The following PHACTR3 variants were observed in gnomAD, a reference collection of about 807,000 sequenced individuals.
The protein encoded by PHACTR3 is phosphatase and actin regulator 3, also known as protein phosphatase 1, regulatory subunit 123.
Under a neutral mutation model 66.8 loss-of-function variants are expected in PHACTR3, and 16 were observed. The observed-to-expected ratio is 0.24, with a 90% CI of 0.16 to 0.36. The LOEUF (loss-of-function observed/expected upper bound fraction) is 0.36, where lower values mean the gene tolerates loss of function less well. Ranked by LOEUF, PHACTR3 falls within the 10% of genes least tolerant of loss-of-function variation. PHACTR3 has a pLI of 1.00. For synonymous variants in PHACTR3, 323 were observed against 292.1 expected (o/e 1.11, Z -1.08); for missense variants, 647 against 719.9 (o/e 0.90, Z 1.16).
At chr20:59,680,684 C>G (rs1451840283) in intron 1 of PHACTR3, among the ~76,000 whole-genome samples, 1 of 152,138 alleles carries the variant, frequency 6.6e-6, no homozygotes, top group East Asian at 1.9e-4. Flanking sequence ...AGCTCATCAA[C>G]TATCATTAGT....
At chr20:59,612,389 C>T (rs1600913664) in intron 1 of PHACTR3, among the ~76,000 whole-genome samples, 1 of 149,796 alleles carries the variant, frequency 6.7e-6, no homozygotes, top group East Asian at 2.0e-4. Flanking sequence ...AGGACAGTGT[C>T]TCACTCTGTC....
intron 7 of PHACTR3, among the ~76,000 whole-genome samples, chr20:59,780,248 G>A (rs950152336): frequency 6.6e-6 from 1 of 152,204 alleles, no homozygotes; most frequent in Non-Finnish European, 1.5e-5. Flanking sequence ...ACTCACCACT[G>A]TGTCTCACCT....
At chr20:59,804,463 G>T (rs2041505908) in intron 7 of PHACTR3, among the ~76,000 whole-genome samples, 1 of 152,148 alleles carries the variant, frequency 6.6e-6, no homozygotes, top group Non-Finnish European at 1.5e-5. Flanking sequence ...TCTGAAAATG[G>T]CAGTTCCTTT....
intron 1 of PHACTR3, among the ~76,000 whole-genome samples, chr20:59,621,052 G>T (rs994981635): frequency 1.3e-5 from 2 of 152,208 alleles, no homozygotes; most frequent in South Asian, 2.1e-4. Context: ...CTTCGAGTCG[G>T]TGTCTGTGCC....
In PHACTR3 at chr20:59,830,414, G is replaced by C. The variant is rs1008911670; in HGVS notation, c.1329-6091G>C. Among the ~76,000 whole-genome samples, 1 of 152,156 alleles carries C rather than the reference G, an allele frequency of 6.6e-6. No individual in the cohort carries two copies. Among genetic ancestry groups the C allele is most frequent in the Non-Finnish European group, 1.5e-5 (1 of 68,018 alleles). On this transcript the variant is annotated intron_variant, in intron 8 of 12. Coordinates refer to ENST00000371015, the MANE Select transcript of PHACTR3 (RefSeq NM_080672.5). This position sits in a 1 kb window ranked among gnomAD's most constrained non-coding sequence, Gnocchi z 5.8. ...AGCATGAGTGATGAAGAGGGTGTGA[G>C]TGTCTGATGGAGGAATGTGTGGGCA...
chr20:59,834,463 T>A lies in PHACTR3; in HGVS notation c.1329-2042T>A, dbSNP rs147229619. ...GCTCTAAGGGGAGACCCCAGACAAC[T>A]CCAATTTCCTGATGATTTCTCTTCC... On this transcript the variant is annotated intron_variant, in intron 8 of 12. Coordinates refer to ENST00000371015, the MANE Select transcript of PHACTR3 (RefSeq NM_080672.5). 2.3e-4 allele frequency among the ~76,000 whole-genome samples: 35 copies of A among 152,290 alleles called. 1 individual carries two copies. The East Asian group carries it at 6.8e-3, about 29-fold the overall frequency.
chr20:59,674,310 C>T lies in PHACTR3; in HGVS notation c.119-68797C>T, dbSNP rs113793182. Among the ~76,000 whole-genome samples, 24 of 146,084 alleles carry T rather than the reference C, an allele frequency of 1.6e-4. 3 individuals carry two copies. The highest frequency in any genetic ancestry group is 4.8e-4 in the African/African-American group (18 of 37,220). ...TGTGCTGCCCCAGGCAGTGCTGGGG[C>T]GGGGGGCATGGCTCTGACTCCTGCC... On this transcript the variant is annotated intron_variant, in intron 1 of 12. Coordinates refer to ENST00000371015, the MANE Select transcript of PHACTR3 (RefSeq NM_080672.5).
intron 1 of PHACTR3, among the ~76,000 whole-genome samples, chr20:59,642,585 C>T (rs1172045473): frequency 2.0e-5 from 3 of 152,156 alleles, no homozygotes; most frequent in African/African-American, 7.2e-5. Context: ...ACCAAATGCT[C>T]CAGAATAGGA....
rs565508133 is a variant in PHACTR3, at chr20:59,738,142, A to G, written c.119-4965A>G. Reference sequence around the variant, plus strand: ...CACATAGCCACAGCAAGAAGGAGACACCATACCCCCCAGCAAGGCCCTGGC... The same window carrying G: ...CACATAGCCACAGCAAGAAGGAGACGCCATACCCCCCAGCAAGGCCCTGGC... On this transcript the variant is annotated intron_variant, in intron 1 of 12. Transcript: ENST00000371015. This position sits in a 1 kb window ranked among gnomAD's most constrained non-coding sequence, Gnocchi z 4.4. Among the ~76,000 whole-genome samples, 2 of 152,146 alleles carry G rather than the reference A, an allele frequency of 1.3e-5. No individual in the cohort carries two copies. Among genetic ancestry groups the G allele is most frequent in the East Asian group, 3.9e-4 (2 of 5,138 alleles).
chr20:59,752,035 C>T (rs1051836658), intron 3 of PHACTR3, among the ~76,000 whole-genome samples: 1 of 152,184 alleles, frequency 6.6e-6, no homozygotes, highest in African/African-American at 2.4e-5. Flanking sequence ...TTTCCTACCC[C>T]GTCATTGGGT....
At chr20:59,821,536 G>A (rs1028762752) in intron 8 of PHACTR3, among the ~76,000 whole-genome samples, 4 of 152,158 alleles carry the variant, frequency 2.6e-5, no homozygotes, top group Admixed American at 2.0e-4. Flanking sequence ...TCATGTGGCC[G>A]TGGTCAGCTG....
chr20:59,740,274 T>G (rs534196769), intron 1 of PHACTR3, among the ~76,000 whole-genome samples: 1 of 152,214 alleles, frequency 6.6e-6, no homozygotes, highest in Non-Finnish European at 1.5e-5. Context: ...AACTGTGTAT[T>G]GTGGATGTTT....
intron 1 of PHACTR3, among the ~76,000 whole-genome samples, chr20:59,701,046 C>T (rs2037490284): frequency 6.6e-6 from 1 of 152,178 alleles, no homozygotes; most frequent in South Asian, 2.1e-4. Context: ...CCTGCCTCAG[C>T]CTCCCAAAAT....
At chr20:59,810,211 A>C (rs901727016) in intron 8 of PHACTR3, among the ~76,000 whole-genome samples, 6 of 152,228 alleles carry the variant, frequency 3.9e-5, no homozygotes, top group African/African-American at 1.2e-4. Context: ...GTTGAGAGGA[A>C]GTTGGGAGAA....
chr20:59,845,113 T>C, intron 11 of PHACTR3, 76 bp from the exon 12 acceptor site: 1 of 929,318 alleles, frequency 1.1e-6, no homozygotes, highest in African/African-American at 1.7e-5. Context: ...TTAGGAATGG[T>C]TAATTTATAA....
chr20:59,834,653 T>C (rs2042474400), intron 8 of PHACTR3, among the ~76,000 whole-genome samples: 1 of 152,206 alleles, frequency 6.6e-6, no homozygotes, highest in South Asian at 2.1e-4. Flanking sequence ...TAAGAGACGC[T>C]ATGGTCTTCC....
chr20:59,675,068 CT>C (rs1281853499), intron 1 of PHACTR3, among the ~76,000 whole-genome samples: 1 of 123,658 alleles, frequency 8.1e-6, no homozygotes, highest in African/African-American at 3.3e-5. Context: ...CCTTTTCCCC[CT>C]CTCTTTTCCT....
intron 1 of PHACTR3, among the ~76,000 whole-genome samples, chr20:59,696,226 A>C (rs2037292587): frequency 6.6e-6 from 1 of 152,236 alleles, no homozygotes; most frequent in African/African-American, 2.4e-5. Context: ...CAAAGCAGAG[A>C]GCACTTAGGG....
At chr20:59,817,510 A>G (rs1387867686) in intron 8 of PHACTR3, among the ~76,000 whole-genome samples, 2 of 152,240 alleles carry the variant, frequency 1.3e-5, no homozygotes, top group Admixed American at 6.5e-5. Context: ...AGTAAGACCA[A>G]TAGTATTAAC....
Sources: allele counts gnomAD v4.1 joint callset (sites outside exome capture counted in the v4.1 genomes callset), GRCh38; gene constraint gnomAD v4.1.1; non-coding constraint Gnocchi (gnomAD v3.1); transcripts MANE v1.5; gene names NCBI Gene and HGNC (gene_info 2026-07-23, HGNC 2026-07-21).